The following SCN9A variants were observed in gnomAD, a reference collection of about 807,000 sequenced individuals.
The protein encoded by SCN9A is sodium voltage-gated channel alpha subunit 9.
SCN9A carries 131 observed loss-of-function variants against 187.0 expected under a neutral mutation model. That is an observed-to-expected ratio of 0.70 (90% confidence interval 0.61 to 0.81). SCN9A has a LOEUF of 0.81. Among genes scored for constraint, SCN9A ranks in the 30% least tolerant of loss-of-function variants. The pLI is 0.00. For synonymous variants in SCN9A, 809 were observed against 808.6 expected (o/e 1.00, Z -0.01); for missense variants, 2,252 against 2,396.6 (o/e 0.94, Z 1.26).
chr2:166,277,372 C>T (rs1232657329), intron 15 of SCN9A, 33 bp from the exon 16 acceptor site: 1 of 1,404,906 alleles, frequency 7.1e-7, no homozygotes, highest in South Asian at 1.3e-5. Flanking sequence ...ATGTTAATCA[C>T]TATGAAAATC....
Position 166,311,734 on chromosome 2 carries a change from C to T in SCN9A, c.23G>A (p.Gly8Glu). MAMLPPP[G>E]PQSFVHFTKQ... ...TGTGAAATGGACAAAGCTCTGAGGT[C>T]CTGGGGGAGGCAACATTGCCATCTT... The change falls in exon 2 of 27, where the codon GGA becomes GAA. Residue 8 changes from glycine (G) to glutamate (E), a missense_variant. Physicochemically the swap from Gly to Glu is moderately conservative, Grantham distance 98. Transcript: ENST00000642356. 6.2e-7 allele frequency: 1 copy of T among 1,603,834 alleles called. No individual in the cohort carries two copies. The highest frequency in any genetic ancestry group is 8.5e-7 in the Non-Finnish European group (1 of 1,173,544).
chr2:166,280,480 A>C lies in SCN9A; in HGVS notation c.2220T>G (p.Ile740Met), dbSNP rs375688386. The C allele has an allele frequency of 1.3e-5, 20 of 1,585,590 alleles. No individual in the cohort carries two copies. The African/African-American group carries it at 2.7e-4, about 21-fold the overall frequency. Residue 740 changes from isoleucine (I) to methionine (M), a missense_variant, in exon 14 of 27, where the codon ATT becomes ATG. Physicochemically the swap from Ile to Met is conservative, Grantham distance 10. This residue lies in a region of SCN9A where 1,013 missense variants were observed against 997.4 expected (regional missense o/e 1.02). Coordinates refer to ENST00000642356, the MANE Select transcript of SCN9A (RefSeq NM_001365536.1). ...WIKFKKCIYF[I>M]VMDPFVDLAI... is the part of the protein sequence containing the mutation. ...CAAGATCTACAAAAGGATCCATTAC[A>C]ATAAAATAGATACACTTTTTGAATT... is the stretch of plus-strand genomic sequence containing the variant.
At chr2:166,286,266 A>G in intron 11 of SCN9A, 70 bp downstream of exon 11, 5 of 1,428,494 alleles carry the variant, frequency 3.5e-6, no homozygotes, top group Non-Finnish European at 3.7e-6. Flanking sequence ...GAGTTCTCTT[A>G]CCCTAAAATA....
intron 1 of SCN9A, among the ~76,000 whole-genome samples, chr2:166,317,291 A>C (rs1190349916): frequency 2.6e-5 from 4 of 151,936 alleles, no homozygotes; most frequent in African/African-American, 9.7e-5. Flanking sequence ...ATCAATCAAT[A>C]TTTATTCTTG....
intron 17 of SCN9A, among the ~76,000 whole-genome samples, chr2:166,258,765 T>G (rs1410495186): frequency 1.3e-5 from 2 of 151,678 alleles, no homozygotes; most frequent in African/African-American, 4.8e-5. Flanking sequence ...GATTTTATAT[T>G]TATGCCAGAA....
At chr2:166,234,708 A>G (rs148376612) in intron 20 of SCN9A, among the ~76,000 whole-genome samples, 2 of 152,234 alleles carry the variant, frequency 1.3e-5, no homozygotes, top group African/African-American at 4.8e-5. Context: ...TTTTCCACTT[A>G]AGAACACTTG....
At chr2:166,319,093 A>C (rs1044203776) in intron 1 of SCN9A, among the ~76,000 whole-genome samples, 14 of 152,080 alleles carry the variant, frequency 9.2e-5, no homozygotes, top group African/African-American at 3.4e-4. Flanking sequence ...AGATTTTATA[A>C]TCTTCCAAAA....
intron 1 of SCN9A, among the ~76,000 whole-genome samples, chr2:166,348,880 C>T (rs150107947): frequency 1.3e-5 from 2 of 152,126 alleles, no homozygotes; most frequent in Admixed American, 6.5e-5. Flanking sequence ...AATCCCAACA[C>T]TTTGGGAGGC....
chr2:166,242,288 C>T (rs1695600897), intron 19 of SCN9A, among the ~76,000 whole-genome samples: 1 of 151,968 alleles, frequency 6.6e-6, no homozygotes, highest in African/African-American at 2.4e-5. Flanking sequence ...CTGGGTGGTC[C>T]TTTGGACAAC....
chr2:166,229,562 A>G (rs556820820), intron 21 of SCN9A, among the ~76,000 whole-genome samples: 4 of 152,020 alleles, frequency 2.6e-5, no homozygotes, highest in African/African-American at 9.6e-5. Flanking sequence ...CCACAAAAGG[A>G]TTGAGAATCT....
chr2:166,304,537 A>G (rs1211200427), intron 5 of SCN9A, among the ~76,000 whole-genome samples: 1 of 152,122 alleles, frequency 6.6e-6, no homozygotes, highest in East Asian at 1.9e-4. Flanking sequence ...TATATTATTA[A>G]ATTGGATTCA....
rs35833662 is a variant in SCN9A at position 166,247,157 on chromosome 2, C to CAAA, written c.3473-4504_3473-4502dup. On this transcript the variant is annotated intron_variant, in intron 18 of 26. Transcript: ENST00000642356. ...TTTCATCATGTTAAACCAAAGCTCT[C>CAAA]AAAAAAAAAAAAAAAAAAAAAAGGA... Among the ~76,000 whole-genome samples, 396 of 41,078 alleles carry CAAA rather than the reference C, an allele frequency of 9.6e-3. 7 individuals carry two copies. The highest frequency in any genetic ancestry group is 0.034 in the African/African-American group (307 of 9,002). 26.9% of individuals were successfully genotyped at this position (41,078 alleles called of 152,430 possible).
intron 17 of SCN9A, among the ~76,000 whole-genome samples, chr2:166,266,602 G>A (rs1309566475): frequency 6.8e-6 from 1 of 146,670 alleles, no homozygotes; most frequent in Non-Finnish European, 1.5e-5. Context: ...TGTAAAGAAT[G>A]TCACTGGTAT....
In SCN9A at chr2:166,198,824, C is replaced by T. The variant is rs752262872; in HGVS notation, c.5815G>A (p.Glu1939Lys). Residue 1939 changes from glutamate to lysine, a missense_variant, in exon 27 of 27, where the codon GAG becomes AAG. This residue lies in a region of SCN9A where 345 missense variants were observed against 344.6 expected (regional missense o/e 1.00). Transcript: ENST00000642356. Reference sequence around the variant, plus strand: ...TCTGTTTTTTCTGGACTTGAGTTCTCATTAACATTATCAAAAGCCATATCT... The same window carrying T: ...TCTGTTTTTTCTGGACTTGAGTTCTTATTAACATTATCAAAAGCCATATCT... Reference protein sequence around the residue: ...KKDMAFDNVNENSSPEKTDAT... With the variant: ...KKDMAFDNVNKNSSPEKTDAT... 5 of 1,613,136 alleles carry T rather than the reference C, an allele frequency of 3.1e-6. No individual in the cohort carries two copies. The African/African-American group carries it at 6.7e-5, about 22-fold the overall frequency.
intron 2 of SCN9A, among the ~76,000 whole-genome samples, chr2:166,309,809 A>G (rs1698883270): frequency 6.7e-6 from 1 of 148,492 alleles, no homozygotes; most frequent in Non-Finnish European, 1.5e-5. Context: ...CCTAAGCCAA[A>G]AGAACAAAGC....
intron 12 of SCN9A, among the ~76,000 whole-genome samples, chr2:166,282,604 A>G (rs1024946814): frequency 3.3e-5 from 5 of 152,264 alleles, no homozygotes; most frequent in African/African-American, 1.2e-4. Flanking sequence ...ATACACAAAC[A>G]ACTATACAAC....
intron 1 of SCN9A, among the ~76,000 whole-genome samples, chr2:166,356,501 T>C (rs1392960245): frequency 6.6e-6 from 1 of 152,138 alleles, no homozygotes; most frequent in African/African-American, 2.4e-5. Flanking sequence ...TTTTTCCCCA[T>C]AAATAGCATT....
At chr2:166,202,433 T>TAA (rs56028065) in intron 26 of SCN9A, among the ~76,000 whole-genome samples, 122,198 of 151,364 alleles carry the variant, frequency 0.81, 49,817 homozygotes, top group Non-Finnish European at 0.86. Context: ...AACATCTATA[T>TAA]GTCTTAATAT....
At chr2:166,259,169 T>C (rs922009253) in intron 17 of SCN9A, 6 of 151,700 alleles carry the variant, frequency 4.0e-5, no homozygotes, top group African/African-American at 1.5e-4. Flanking sequence ...ATGCAAGACA[T>C]TGAAAAAATA....
Sources: gnomAD v4.1 joint callset for allele counts (sites outside exome capture counted in the v4.1 genomes callset) on GRCh38, gnomAD v4.1.1 for gene constraint, gnomAD v4.1.1 regional missense constraint, MANE v1.5 for transcripts, NCBI Gene and HGNC (gene_info 2026-07-23, HGNC 2026-07-21) for gene names.